NEDD4L: variants seen among roughly 807,000 people sequenced by gnomAD.
NEDD4L encodes the protein E3 ubiquitin-protein ligase NEDD4-like.
NEDD4L carries 54 observed loss-of-function variants against 148.9 expected under a neutral mutation model. The ratio of observed to expected loss-of-function variants is 0.36; its 90% CI spans 0.29 to 0.45. NEDD4L has a LOEUF of 0.45. Ranked by LOEUF, NEDD4L falls within the 20% of genes least tolerant of loss-of-function variation. The pLI is 1.00. For synonymous variants in NEDD4L, 433 were observed against 440.7 expected (o/e 0.98, Z 0.22); for missense variants, 856 against 1,233.8 (o/e 0.69, Z 4.59).
chr18:58,191,167 C>T (rs780578613), intron 2 of NEDD4L, among the ~76,000 whole-genome samples: 3 of 152,160 alleles, frequency 2.0e-5, no homozygotes, highest in African/African-American at 4.8e-5. Context: ...ATAAAAAGAA[C>T]TTACAACAAA....
intron 2 of NEDD4L, among the ~76,000 whole-genome samples, chr18:58,216,288 G>A (rs2043152819): frequency 6.6e-6 from 1 of 152,146 alleles, no homozygotes; most frequent in South Asian, 2.1e-4. Context: ...GTTCATGGGG[G>A]AGGGCTGGAG....
In NEDD4L at chr18:58,391,518, G is replaced by A. The variant is rs1432503132; in HGVS notation, c.2784G>A (p.Glu928=). ...ATGGTCCTCAGCTGTTTACAATAGA[G>A]CAATGGGGCAGTCCTGAGAAACTGC... ...GSNGPQLFTI[E]QWGSPEKLPR... is the part of the protein sequence containing the mutation. Residue 928 remains glutamate, a synonymous_variant, in exon 30 of 31, where the codon GAG becomes GAA. Coordinates refer to ENST00000400345, the MANE Select transcript of NEDD4L (RefSeq NM_001144967.3). The A allele has an allele frequency of 1.3e-6, 2 of 1,583,516 alleles. No homozygotes were observed. The highest frequency in any genetic ancestry group is 1.7e-6 in the Non-Finnish European group (2 of 1,163,696).
chr18:58,155,619 A>C (rs887411671), intron 1 of NEDD4L, among the ~76,000 whole-genome samples: 1 of 152,228 alleles, frequency 6.6e-6, no homozygotes, highest in Non-Finnish European at 1.5e-5. Flanking sequence ...CTCTCAAAGC[A>C]TGATTATGGC....
At position 58,399,198 on chromosome 18, in the gene NEDD4L, A is replaced by G. The variant is rs2050686917; in HGVS notation, c.*2929A>G. On this transcript the variant is annotated 3_prime_UTR_variant, in exon 31 of 31. Transcript: ENST00000400345. Reference sequence around the variant, plus strand: ...AGAGCACCTGGTGGGATGAAGGTCCAACAGCCTGTGCCTCTCCACTGCTGG... The same window carrying G: ...AGAGCACCTGGTGGGATGAAGGTCCGACAGCCTGTGCCTCTCCACTGCTGG... 1 of 152,222 alleles carries G rather than the reference A, an allele frequency of 6.6e-6. No individual in the cohort carries two copies. The highest frequency in any genetic ancestry group is 1.5e-5 in the Non-Finnish European group (1 of 68,054). 9.4% of individuals were successfully genotyped at this position (152,222 alleles called of 1,614,324 possible).
At chr18:58,069,489 C>T (rs976633173) in intron 1 of NEDD4L, among the ~76,000 whole-genome samples, 1 of 152,152 alleles carries the variant, frequency 6.6e-6, no homozygotes, top group Non-Finnish European at 1.5e-5. Context: ...TAGGGATTCC[C>T]CTGGAAGAAA....
Position 58,256,677 on chromosome 18 carries a change from AT to A in NEDD4L, c.297+4627del. The A allele has an allele frequency of 8.1e-7, 1 of 1,232,166 alleles. No homozygotes were observed. Among genetic ancestry groups the A allele is most frequent in the East Asian group, 3.2e-5 (1 of 31,698 alleles). The allele number at this position is 1,232,166 out of a possible 1,614,324, so 76.3% of individuals were successfully genotyped here. On this transcript the variant is annotated intron_variant, in intron 5 of 30. Coordinates refer to ENST00000400345, the MANE Select transcript of NEDD4L (RefSeq NM_001144967.3). The surrounding 1 kb of genome is among the most constrained non-coding windows in gnomAD (Gnocchi z 5.2). ...CAGGATCAGAACGCGGGGCAGCAGC[AT>A]TTTAGAATTCTTGTAACCCGGGGGC...
intron 1 of NEDD4L, among the ~76,000 whole-genome samples, chr18:58,133,130 G>A (rs1251919083): frequency 2.0e-5 from 3 of 152,230 alleles, no homozygotes; most frequent in African/African-American, 7.2e-5. Flanking sequence ...GAAGGAATGT[G>A]TAACAGCTGG....
chr18:58,227,231 A>G (rs1048292135), intron 2 of NEDD4L, among the ~76,000 whole-genome samples: 2 of 152,188 alleles, frequency 1.3e-5, no homozygotes, highest in Admixed American at 1.3e-4. Context: ...TCACTGGCAT[A>G]TCTCAGGTGC....
At chr18:58,306,389 T>C (rs527852496) in intron 5 of NEDD4L, among the ~76,000 whole-genome samples, 1 of 152,252 alleles carries the variant, frequency 6.6e-6, no homozygotes, top group Admixed American at 6.5e-5. Context: ...TATTAAAATA[T>C]AGATGAGGAA....
intron 5 of NEDD4L, among the ~76,000 whole-genome samples, chr18:58,304,297 T>C (rs1234160474): frequency 6.8e-6 from 1 of 147,028 alleles, no homozygotes; most frequent in East Asian, 2.0e-4. Context: ...GGTGGGAGGA[T>C]CACTTAAGCC....
intron 1 of NEDD4L, among the ~76,000 whole-genome samples, chr18:58,098,316 G>A (rs1462541854): frequency 6.6e-6 from 1 of 152,234 alleles, no homozygotes; most frequent in Middle Eastern, 3.4e-3. Context: ...CCCTCTTCAG[G>A]CCCCACATTG....
chr18:58,281,797 G>A (rs1399099477), intron 5 of NEDD4L, among the ~76,000 whole-genome samples: 1 of 151,988 alleles, frequency 6.6e-6, no homozygotes, highest in African/African-American at 2.4e-5. Context: ...AAGCCGAGAC[G>A]GGCGGATCAC....
intron 2 of NEDD4L, among the ~76,000 whole-genome samples, chr18:58,224,974 T>G (rs537798914): frequency 1.3e-5 from 2 of 152,286 alleles, no homozygotes; most frequent in South Asian, 2.1e-4. Flanking sequence ...TTAAAAAAAT[T>G]TATTTTCTTT....
intron 5 of NEDD4L, among the ~76,000 whole-genome samples, chr18:58,291,020 G>A (rs1009599600): frequency 2.0e-5 from 3 of 151,490 alleles, no homozygotes; most frequent in African/African-American, 2.4e-5. Context: ...CGACCCACAT[G>A]GTCACACAGA....
At chr18:58,286,485 G>A (rs549932936) in intron 5 of NEDD4L, among the ~76,000 whole-genome samples, 18 of 152,088 alleles carry the variant, frequency 1.2e-4, no homozygotes, top group Admixed American at 3.3e-4. Flanking sequence ...AGTCATAAGC[G>A]TCTGTATTAA....
intron 2 of NEDD4L, among the ~76,000 whole-genome samples, chr18:58,234,697 A>T (rs751803263): frequency 1.5e-4 from 23 of 152,138 alleles, no homozygotes; most frequent in Non-Finnish European, 2.5e-4. Context: ...ACATTCTGAA[A>T]TACTGGGGGA....
intron 5 of NEDD4L, among the ~76,000 whole-genome samples, chr18:58,315,478 AAC>A (rs33951095): frequency 0.05 from 7,599 of 151,992 alleles, 585 homozygotes; most frequent in African/African-American, 0.17. Context: ...TTAAAAAAAA[AAC>A]AATGTACTTA....
At chr18:58,280,650 A>G (rs1483849784) in intron 5 of NEDD4L, among the ~76,000 whole-genome samples, 2 of 152,132 alleles carry the variant, frequency 1.3e-5, no homozygotes, top group South Asian at 2.1e-4. Context: ...CAGAGAGAAG[A>G]TGAGGGGCAG....
At chr18:58,046,832 T>G (rs1190254064) in intron 1 of NEDD4L, 1 of 152,236 alleles carries the variant, frequency 6.6e-6, no homozygotes, top group Non-Finnish European at 1.5e-5. Context: ...CTGGTAGTAT[T>G]TAGTTCCACA....
Sources: allele counts gnomAD v4.1 joint callset (sites outside exome capture counted in the v4.1 genomes callset), GRCh38; gene constraint gnomAD v4.1.1; non-coding constraint Gnocchi (gnomAD v3.1); transcripts MANE v1.5; gene names NCBI Gene and HGNC (gene_info 2026-07-23, HGNC 2026-07-21).